SLC38A12: variants seen among roughly 807,000 people sequenced by gnomAD.
The protein encoded by SLC38A12 is solute carrier family 38 member 12, also known as putative sodium-coupled neutral amino acid transporter 12.
the SLC38A12 span, chr17:74,819,648 C>A: frequency 8.6e-7 from 1 of 1,161,536 alleles, no homozygotes; most frequent in South Asian, 1.3e-5. Context: ...TCAGGCCCGG[C>A]CTTAGCTATG....
chr17:74,806,753 A>G, the SLC38A12 span, among the ~76,000 whole-genome samples: 1 of 152,070 alleles, frequency 6.6e-6, no homozygotes. Context: ...CCTCTGTCCG[A>G]TAGGATGGGA....
chr17:74,795,443 G>A, the SLC38A12 span: 49 of 1,262,948 alleles, frequency 3.9e-5, no homozygotes, highest in Middle Eastern at 5.9e-4. Context: ...TCAGGCAGCT[G>A]TGCAGGGAGT....
the SLC38A12 span, chr17:74,838,971 A>C: frequency 6.5e-7 from 1 of 1,535,686 alleles, no homozygotes; most frequent in Non-Finnish European, 8.7e-7. Context: ...TGTGGAGGAA[A>C]GCTTAAACTC....
chr17:74,811,569 A>T, the SLC38A12 span, among the ~76,000 whole-genome samples: 9 of 151,234 alleles, frequency 6.0e-5, no homozygotes, highest in African/African-American at 2.2e-4. Context: ...AAAAATACAA[A>T]AATTAGCAAA....
At chr17:74,839,147 G>A in the SLC38A12 span, 2 of 1,517,420 alleles carry the variant, frequency 1.3e-6, no homozygotes, top group East Asian at 2.5e-5. Flanking sequence ...CCTCACCTGA[G>A]GCTAGAGCAG....
the SLC38A12 span, chr17:74,785,475 G>A: frequency 2.5e-6 from 4 of 1,607,890 alleles, no homozygotes; most frequent in South Asian, 1.1e-5. Flanking sequence ...GCCTCTGTCG[G>A]TTCCAGGTTG....
At chr17:74,821,542 G>A in the SLC38A12 span, among the ~76,000 whole-genome samples, 2 of 152,220 alleles carry the variant, frequency 1.3e-5, no homozygotes, top group African/African-American at 4.8e-5. Flanking sequence ...GGTGCCAGGA[G>A]GGATTGTGTC....
the SLC38A12 span, among the ~76,000 whole-genome samples, chr17:74,799,880 G>A: frequency 1.3e-5 from 2 of 152,228 alleles, no homozygotes; most frequent in African/African-American, 4.8e-5. Context: ...GGGTGCAGAG[G>A]GAGTGATGTG....
chr17:74,798,717 A>C, the SLC38A12 span, among the ~76,000 whole-genome samples: 1 of 152,194 alleles, frequency 6.6e-6, no homozygotes, highest in South Asian at 2.1e-4. Flanking sequence ...ATCTGCTATC[A>C]GCTGACCTTG....
chr17:74,806,896 C>G, the SLC38A12 span, among the ~76,000 whole-genome samples: 1 of 152,202 alleles, frequency 6.6e-6, no homozygotes, highest in Admixed American at 6.5e-5. Context: ...CTGTCACAGC[C>G]CCCTCCCTGG....
the SLC38A12 span, among the ~76,000 whole-genome samples, chr17:74,807,145 G>A: frequency 7.9e-6 from 1 of 126,150 alleles, no homozygotes; most frequent in African/African-American, 3.1e-5. Flanking sequence ...CCCAGACGTC[G>A]AGTGCTGTCA....
At chr17:74,785,782 G>C in the SLC38A12 span, 1 of 797,090 alleles carries the variant, frequency 1.3e-6, no homozygotes, top group South Asian at 1.8e-5. Flanking sequence ...GAGGCCTCCT[G>C]GTGGCTTGTC....
At chr17:74,813,123 T>G in the SLC38A12 span, among the ~76,000 whole-genome samples, 1 of 152,182 alleles carries the variant, frequency 6.6e-6, no homozygotes, top group African/African-American at 2.4e-5. Context: ...CCGCCCCACT[T>G]CAGTTCCAAG....
chr17:74,794,947 G>GAAA, the SLC38A12 span: 3 of 1,028,496 alleles, frequency 2.9e-6, no homozygotes, highest in South Asian at 1.6e-5. Flanking sequence ...AAAAGAAGAA[G>GAAA]AAAAAAAAAA....
chr17:74,790,232 A>G, the SLC38A12 span: 1 of 1,614,044 alleles, frequency 6.2e-7, no homozygotes, highest in Non-Finnish European at 8.5e-7. Context: ...CCACAGCCTC[A>G]GACAGCGATG....
the SLC38A12 span, among the ~76,000 whole-genome samples, chr17:74,822,643 G>A: frequency 6.6e-6 from 1 of 152,358 alleles, no homozygotes; most frequent in East Asian, 1.9e-4. Context: ...TTTTCTCCAT[G>A]AGAGACTCAG....
At chr17:74,839,128 C>T in the SLC38A12 span, 1 of 1,528,586 alleles carries the variant, frequency 6.5e-7, no homozygotes, top group Non-Finnish European at 8.8e-7. Context: ...CCAGCAGCTC[C>T]TGGCTGTTCC....
chr17:74,800,154 A>G, the SLC38A12 span, among the ~76,000 whole-genome samples: 2 of 152,064 alleles, frequency 1.3e-5, no homozygotes, highest in Admixed American at 1.3e-4. Flanking sequence ...CTTGCCCAAG[A>G]CTCAGTTCCA....
the SLC38A12 span, among the ~76,000 whole-genome samples, chr17:74,815,979 C>T: frequency 6.6e-6 from 1 of 152,134 alleles, no homozygotes; most frequent in Admixed American, 6.5e-5. Context: ...CACAACAGGC[C>T]CCCGTGAGGC....
Sources: gnomAD v4.1 joint callset for allele counts (sites outside exome capture counted in the v4.1 genomes callset) on GRCh38, gnomAD v4.1.1 for gene constraint, MANE v1.5 for transcripts, NCBI Gene and HGNC (gene_info 2026-07-23, HGNC 2026-07-21) for gene names.